Variants in L3MBTL4 observed in about 807,000 individuals in gnomAD.
L3MBTL4 encodes L3MBTL histone methyl-lysine binding protein 4.
A neutral mutation model predicts 84.5 loss-of-function variants in L3MBTL4; 70 were observed. That is an observed-to-expected ratio of 0.83 (90% CI 0.68 to 1.01). The LOEUF is 1.01. Among genes scored for constraint, L3MBTL4 ranks in the 50% least tolerant of loss-of-function variants. L3MBTL4 has a pLI of 0.00. For synonymous variants in L3MBTL4, 274 were observed against 259.8 expected (o/e 1.05, Z -0.52); for missense variants, 715 against 754.8 (o/e 0.95, Z 0.62).
chr18:6,065,093 T>C (rs1407538300), intron 16 of L3MBTL4, among the ~76,000 whole-genome samples: 1 of 152,124 alleles, frequency 6.6e-6, no homozygotes, highest in East Asian at 1.9e-4. Flanking sequence ...TTTTTCTGTG[T>C]CTATTGAGAT....
chr18:6,306,117 A>G (rs969411454), intron 3 of L3MBTL4, among the ~76,000 whole-genome samples: 1 of 152,222 alleles, frequency 6.6e-6, no homozygotes, highest in Non-Finnish European at 1.5e-5. Context: ...ATCCTATTTA[A>G]TAACCCCAGT....
At chr18:6,108,392 T>C (rs558910197) in intron 14 of L3MBTL4, among the ~76,000 whole-genome samples, 21 of 152,128 alleles carry the variant, frequency 1.4e-4, no homozygotes, top group Middle Eastern at 3.2e-3. Flanking sequence ...ACAGTTACAA[T>C]AGAAATTTTC....
chr18:6,186,484 T>C (rs535220812), intron 12 of L3MBTL4, among the ~76,000 whole-genome samples: 29 of 151,756 alleles, frequency 1.9e-4, no homozygotes, highest in African/African-American at 5.6e-4. Flanking sequence ...ACCGAAGAAA[T>C]GGGGAGGACA....
chr18:6,408,686 C>CTT (rs763274818), intron 1 of L3MBTL4, among the ~76,000 whole-genome samples: 2,164 of 144,662 alleles, frequency 0.015, 24 homozygotes, highest in Middle Eastern at 0.12. Context: ...TCTTCTTCTT[C>CTT]TTTTTTTTTT....
At chr18:6,263,280 A>AG (rs1199597176) in intron 5 of L3MBTL4, among the ~76,000 whole-genome samples, 1 of 152,016 alleles carries the variant, frequency 6.6e-6, no homozygotes, top group Non-Finnish European at 1.5e-5. Flanking sequence ...AAAAAAAAAA[A>AG]AAAAGAAAAA....
chr18:6,353,301 A>C, intron 1 of L3MBTL4, among the ~76,000 whole-genome samples: 1 of 151,676 alleles, frequency 6.6e-6, no homozygotes, highest in East Asian at 1.9e-4. Context: ...AAAAATGCTT[A>C]TTTGCTGCTC....
At chr18:5,965,116 A>AT (rs1188364704) in intron 17 of L3MBTL4, among the ~76,000 whole-genome samples, 1 of 152,206 alleles carries the variant, frequency 6.6e-6, no homozygotes, top group African/African-American at 2.4e-5. Context: ...TAACAAAGCA[A>AT]CAATCCTTAT....
At chr18:6,024,118 C>A (rs1156353637) in intron 16 of L3MBTL4, among the ~76,000 whole-genome samples, 1 of 152,164 alleles carries the variant, frequency 6.6e-6, no homozygotes, top group African/African-American at 2.4e-5. Context: ...CTCAGGTGAT[C>A]CGCCCGCCTC....
intron 1 of L3MBTL4, chr18:6,397,393 T>C (rs1231531535): frequency 6.6e-6 from 1 of 152,218 alleles, no homozygotes. Context: ...GTGTAATTTG[T>C]TTTGTTAATA....
chr18:6,349,524 G>C (rs377426511), intron 1 of L3MBTL4, among the ~76,000 whole-genome samples: 1 of 152,064 alleles, frequency 6.6e-6, no homozygotes, highest in Non-Finnish European at 1.5e-5. Flanking sequence ...AGGCCAGATC[G>C]AGACCAGCCC....
chr18:6,067,916 C>A (rs985195773), intron 16 of L3MBTL4, among the ~76,000 whole-genome samples: 3 of 152,040 alleles, frequency 2.0e-5, no homozygotes, highest in Admixed American at 2.0e-4. Flanking sequence ...TTGGGTGGAC[C>A]ATTTCTTCAA....
At chr18:5,979,679 T>C (rs1042798204) in intron 16 of L3MBTL4, among the ~76,000 whole-genome samples, 1 of 152,158 alleles carries the variant, frequency 6.6e-6, no homozygotes, top group South Asian at 2.1e-4. Context: ...ACACTGCCTG[T>C]ACATTCCTGT....
At chr18:6,232,366 G>T (rs769135232) in intron 10 of L3MBTL4, among the ~76,000 whole-genome samples, 1 of 151,846 alleles carries the variant, frequency 6.6e-6, no homozygotes, top group Non-Finnish European at 1.5e-5. Flanking sequence ...TTCTTTGTTT[G>T]GCTTTGGTAT....
At chr18:6,081,566 A>G (rs973152552) in intron 15 of L3MBTL4, among the ~76,000 whole-genome samples, 1 of 152,250 alleles carries the variant, frequency 6.6e-6, no homozygotes, top group African/African-American at 2.4e-5. Flanking sequence ...TTAGGTAGAT[A>G]GGCCTGTGAG....
chr18:6,338,699 T>TTG (rs1343570377), intron 1 of L3MBTL4, among the ~76,000 whole-genome samples: 1 of 151,930 alleles, frequency 6.6e-6, no homozygotes, highest in African/African-American at 2.4e-5. Context: ...AAACCAAAAT[T>TTG]ATCAGAGTGG....
chr18:6,038,070 A>G (rs550279682), intron 16 of L3MBTL4, among the ~76,000 whole-genome samples: 14 of 152,220 alleles, frequency 9.2e-5, no homozygotes, highest in African/African-American at 3.4e-4. Flanking sequence ...AAGGAGTGGG[A>G]AGTATCTGTG....
intron 16 of L3MBTL4, among the ~76,000 whole-genome samples, chr18:5,994,179 C>T (rs113267576): frequency 0.025 from 3,779 of 152,298 alleles, 65 homozygotes; most frequent in Non-Finnish European, 0.038. Context: ...AGGCACTGCG[C>T]AGTGAACCCC....
intron 1 of L3MBTL4, among the ~76,000 whole-genome samples, chr18:6,331,565 CA>C: frequency 6.6e-6 from 1 of 152,098 alleles, no homozygotes; most frequent in South Asian, 2.1e-4. Flanking sequence ...TAAGAAGCAA[CA>C]AACAGAAGCA....
chr18:6,179,969 C>G (rs915253515), intron 12 of L3MBTL4, among the ~76,000 whole-genome samples: 1 of 152,134 alleles, frequency 6.6e-6, no homozygotes, highest in Non-Finnish European at 1.5e-5. Flanking sequence ...GTTCACAGTA[C>G]TATTTTAATA....
Sources: gnomAD v4.1 joint callset for allele counts (sites outside exome capture counted in the v4.1 genomes callset) on GRCh38, gnomAD v4.1.1 for gene constraint, MANE v1.5 for transcripts, NCBI Gene and HGNC (gene_info 2026-07-23, HGNC 2026-07-21) for gene names.